The following RAB3C variants were observed in gnomAD, a reference collection of about 807,000 sequenced individuals.
The protein encoded by RAB3C is RAB3C, member RAS oncogene family, also known as ras-related protein Rab-3C.
Under a neutral mutation model 26.4 loss-of-function variants are expected in RAB3C, and 17 were observed. That is an observed-to-expected ratio of 0.64 (90% CI 0.44 to 0.97). RAB3C has a LOEUF of 0.97. RAB3C is among the 50% of genes least tolerant of loss of function. RAB3C has a pLI of 0.00. For missense variants in RAB3C, 242 were observed against 281.9 expected, an observed-to-expected ratio of 0.86 and a Z score of 1.01; for synonymous variants, 91 against 95.9, an observed-to-expected ratio of 0.95 and a Z score of 0.30.
At chr5:58,772,241 G>A (rs1186196194) in intron 3 of RAB3C, among the ~76,000 whole-genome samples, 1 of 152,130 alleles carries the variant, frequency 6.6e-6, no homozygotes, top group Non-Finnish European at 1.5e-5. Flanking sequence ...GGGAACTAGT[G>A]AAGGTTTTTC....
At chr5:58,637,043 T>A (rs1747304247) in intron 2 of RAB3C, among the ~76,000 whole-genome samples, 1 of 151,728 alleles carries the variant, frequency 6.6e-6, no homozygotes, top group African/African-American at 2.4e-5. Flanking sequence ...AAAGTAACCA[T>A]GGAAAGAATG....
At chr5:58,840,343 T>C (rs1302255231) in intron 4 of RAB3C, among the ~76,000 whole-genome samples, 2 of 152,188 alleles carry the variant, frequency 1.3e-5, no homozygotes, top group African/African-American at 2.4e-5. Context: ...GATACCCATC[T>C]CTTTGTCGAA....
In RAB3C at chr5:58,726,091, T is replaced by G. The variant is rs1373159485; in HGVS notation, c.342T>G (p.Asn114Lys). ...TTATTTTAATGTATGACATTACAAA[T>G]GAAGAATCCTTCAATGCAGTACAAG... ...MGFILMYDITNEESFNAVQDW... is the reference protein window; with the variant it reads ...MGFILMYDITKEESFNAVQDW... The change falls in exon 3 of 5, where the codon AAT (asparagine) becomes AAG (lysine). Residue 114 changes from asparagine to lysine, a missense_variant. Asn to Lys is a moderately conservative substitution (Grantham distance 94). Transcript: ENST00000282878. 6.3e-7 allele frequency: 1 copy of G among 1,596,424 alleles called. No homozygotes were observed. Among genetic ancestry groups the G allele is most frequent in the Non-Finnish European group, 8.6e-7 (1 of 1,165,996 alleles).
At chr5:58,687,145 A>G (rs1390084132) in intron 2 of RAB3C, among the ~76,000 whole-genome samples, 2 of 152,002 alleles carry the variant, frequency 1.3e-5, no homozygotes, top group African/African-American at 4.8e-5. Context: ...CATTTTATCC[A>G]TCTTCGTGAG....
chr5:58,750,009 T>G (rs1397735437), intron 3 of RAB3C, among the ~76,000 whole-genome samples: 1 of 152,218 alleles, frequency 6.6e-6, no homozygotes, highest in Non-Finnish European at 1.5e-5. Context: ...GTTAGCCATT[T>G]CTTTTTTATC....
At chr5:58,683,718 T>C (rs1449501868) in intron 2 of RAB3C, among the ~76,000 whole-genome samples, 1 of 152,226 alleles carries the variant, frequency 6.6e-6, no homozygotes, top group East Asian at 1.9e-4. Context: ...CTCACACTGT[T>C]CCACTCCATC....
chr5:58,775,299 G>A (rs1242282332), intron 3 of RAB3C, among the ~76,000 whole-genome samples: 2 of 151,984 alleles, frequency 1.3e-5, no homozygotes, highest in Non-Finnish European at 2.9e-5. Flanking sequence ...TCAAACCCAG[G>A]GGCTTCTCTT....
At chr5:58,660,125 G>A (rs1011305502) in intron 2 of RAB3C, among the ~76,000 whole-genome samples, 4 of 141,764 alleles carry the variant, frequency 2.8e-5, no homozygotes, top group Admixed American at 6.7e-5. Context: ...TCCTAATACA[G>A]CAATTACCTT....
At chr5:58,799,140 T>A (rs1393949318) in intron 3 of RAB3C, among the ~76,000 whole-genome samples, 1 of 152,192 alleles carries the variant, frequency 6.6e-6, no homozygotes, top group Admixed American at 6.5e-5. Flanking sequence ...TTAGTGCAAC[T>A]GAAGTTATGG....
At chr5:58,723,380 C>G (rs1199257906) in intron 2 of RAB3C, among the ~76,000 whole-genome samples, 1 of 151,742 alleles carries the variant, frequency 6.6e-6, no homozygotes, top group Non-Finnish European at 1.5e-5. Flanking sequence ...TACCCCTGCT[C>G]CAAGAGTAGA....
intron 2 of RAB3C, among the ~76,000 whole-genome samples, chr5:58,694,466 G>A (rs1004895963): frequency 1.3e-4 from 20 of 152,156 alleles, no homozygotes; most frequent in African/African-American, 4.8e-4. Context: ...GGATTGCTGG[G>A]TCAAATGGTA....
intron 3 of RAB3C, among the ~76,000 whole-genome samples, chr5:58,760,592 T>G (rs1374241690): frequency 6.6e-6 from 1 of 152,204 alleles, no homozygotes; most frequent in Non-Finnish European, 1.5e-5. Context: ...ATGTAAGCAG[T>G]TGGTATTAAA....
At chr5:58,738,286 G>GA (rs893770176) in intron 3 of RAB3C, among the ~76,000 whole-genome samples, 12 of 150,422 alleles carry the variant, frequency 8.0e-5, no homozygotes, top group East Asian at 1.9e-4. Context: ...GAAGATATGT[G>GA]AAAAAAAAAT....
At chr5:58,733,319 A>C (rs2111933014) in intron 3 of RAB3C, among the ~76,000 whole-genome samples, 1 of 152,264 alleles carries the variant, frequency 6.6e-6, no homozygotes, top group East Asian at 1.9e-4. Context: ...TGTCTTAATT[A>C]ATTGGAGTGT....
chr5:58,659,211 T>C (rs1302615738), intron 2 of RAB3C, among the ~76,000 whole-genome samples: 1 of 152,272 alleles, frequency 6.6e-6, no homozygotes, highest in Non-Finnish European at 1.5e-5. Flanking sequence ...TGCAGATATG[T>C]AGGTATATAT....
chr5:58,733,949 T>C (rs901622345), intron 3 of RAB3C, among the ~76,000 whole-genome samples: 3 of 152,322 alleles, frequency 2.0e-5, no homozygotes, highest in Admixed American at 2.0e-4. Context: ...AAGAATATCA[T>C]TGGCTTTTCT....
intron 2 of RAB3C, among the ~76,000 whole-genome samples, chr5:58,683,057 A>G (rs556986352): frequency 6.6e-6 from 1 of 152,326 alleles, no homozygotes; most frequent in South Asian, 2.1e-4. Context: ...CCTTCAGCCT[A>G]CTTTGAGAAA....
Position 58,617,844 on chromosome 5 carries a change from GA to G in RAB3C, c.230del (p.Lys77ArgfsTer32). 6.2e-7 allele frequency: 1 copy of G among 1,611,400 alleles called. No individual in the cohort carries two copies. The highest frequency in any genetic ancestry group is 8.5e-7 in the Non-Finnish European group (1 of 1,178,152). ...CAAAGTAAAAACTGTATTCAAAAAT[GA>G]AAAGAGAATCAAGCTTCAGATTTGG... Reference protein sequence around the residue: ...DFKVKTVFKNEKRIKLQIWDT... With the variant: ...DFKVKTVFKNXKRIKLQIWDT... On this transcript the variant is annotated frameshift_variant, in exon 2 of 5. Coordinates refer to ENST00000282878, the MANE Select transcript of RAB3C (RefSeq NM_138453.4). LOFTEE classifies it high-confidence loss of function.
intron 4 of RAB3C, among the ~76,000 whole-genome samples, chr5:58,829,033 A>G (rs558100439): frequency 6.6e-6 from 1 of 151,050 alleles, no homozygotes; most frequent in South Asian, 2.1e-4. Context: ...CCTCCCAAGT[A>G]GCTGGGACTA....
Sources: allele counts gnomAD v4.1 joint callset (sites outside exome capture counted in the v4.1 genomes callset), GRCh38; gene constraint gnomAD v4.1.1; transcripts MANE v1.5; gene names NCBI Gene and HGNC (gene_info 2026-07-23, HGNC 2026-07-21).